Variants in SNTG1 observed in about 807,000 individuals in gnomAD.
The protein encoded by SNTG1 is gamma-1-syntrophin.
In SNTG1, 39 loss-of-function variants were observed where a neutral mutation model predicts 74.7. The ratio of observed to expected loss-of-function variants is 0.52; its 90% CI spans 0.40 to 0.68. The LOEUF is 0.68. Ranked by LOEUF, SNTG1 falls within the 30% of genes least tolerant of loss-of-function variation. The pLI, the probability that SNTG1 is intolerant of heterozygous loss-of-function variation, is 0.00. For missense variants in SNTG1, 685 were observed against 609.5 expected, an observed-to-expected ratio of 1.12 and a Z score of -1.30; for synonymous variants, 254 against 217.1, an observed-to-expected ratio of 1.17 and a Z score of -1.49.
At chr8:50,303,079 A>G (rs544736284) in intron 2 of SNTG1, among the ~76,000 whole-genome samples, 2 of 152,354 alleles carry the variant, frequency 1.3e-5, no homozygotes, top group South Asian at 4.1e-4. Flanking sequence ...TAAATTAATT[A>G]TATAGTAAGC....
chr8:50,427,458 C>T (rs1328924184), intron 4 of SNTG1, among the ~76,000 whole-genome samples: 1 of 152,056 alleles, frequency 6.6e-6, no homozygotes, highest in Non-Finnish European at 1.5e-5. Flanking sequence ...GAGTCGGGGT[C>T]TCCCTCTGTT....
intron 8 of SNTG1, among the ~76,000 whole-genome samples, chr8:50,457,284 C>A (rs2093515288): frequency 6.6e-6 from 1 of 152,144 alleles, no homozygotes; most frequent in Non-Finnish European, 1.5e-5. Context: ...CAAAGAGGAA[C>A]CTCTAATGGG....
chr8:50,004,832 C>T (rs1473708071), intron 1 of SNTG1, among the ~76,000 whole-genome samples: 2 of 152,114 alleles, frequency 1.3e-5, no homozygotes, highest in Non-Finnish European at 2.9e-5. Flanking sequence ...AAAAGGGCAA[C>T]CAGCATTAGA....
At chr8:49,986,715 G>C in intron 1 of SNTG1, among the ~76,000 whole-genome samples, 1 of 34,986 alleles carries the variant, frequency 2.9e-5, no homozygotes, top group African/African-American at 1.3e-4. Context: ...TCTACAAAAA[G>C]TACAAAAAAA....
intron 12 of SNTG1, among the ~76,000 whole-genome samples, chr8:50,559,572 A>G (rs560648338): frequency 6.6e-6 from 1 of 152,280 alleles, no homozygotes; most frequent in Non-Finnish European, 1.5e-5. Context: ...ATATTGGAAG[A>G]TTGAAAGTCA....
intron 2 of SNTG1, among the ~76,000 whole-genome samples, chr8:50,214,654 T>C (rs1300517382): frequency 1.3e-5 from 2 of 152,162 alleles, no homozygotes; most frequent in Non-Finnish European, 2.9e-5. Context: ...CTTGGTGTTC[T>C]TTGTGTAATG....
intron 2 of SNTG1, among the ~76,000 whole-genome samples, chr8:50,293,502 T>G (rs1387012209): frequency 6.6e-6 from 1 of 151,642 alleles, no homozygotes. Context: ...CTCTGCCTCC[T>G]GGGTTCAAGA....
chr8:50,709,435 A>G (rs1047540590), intron 17 of SNTG1, among the ~76,000 whole-genome samples: 22 of 152,252 alleles, frequency 1.4e-4, no homozygotes, highest in African/African-American at 5.3e-4. Flanking sequence ...TGAAAATTTA[A>G]AGTTTAGTTT....
intron 17 of SNTG1, among the ~76,000 whole-genome samples, chr8:50,720,079 T>G (rs890987644): frequency 6.6e-6 from 1 of 152,190 alleles, no homozygotes; most frequent in Non-Finnish European, 1.5e-5. Context: ...GATAATGCAT[T>G]CCTGTTCTAT....
chr8:49,916,933 G>A (rs1025803911), intron 1 of SNTG1, among the ~76,000 whole-genome samples: 3 of 151,940 alleles, frequency 2.0e-5, no homozygotes, highest in African/African-American at 7.2e-5. Context: ...GCTGAGGTAG[G>A]AGGATCACTT....
At chr8:49,993,228 A>G (rs186454) in intron 1 of SNTG1, among the ~76,000 whole-genome samples, 119,219 of 151,980 alleles carry the variant, frequency 0.78, 46,898 homozygotes, top group East Asian at 0.84. Flanking sequence ...GCCCAGAGTG[A>G]GGTCAGGGCC....
At chr8:50,715,972 TG>T (rs1391010143) in intron 17 of SNTG1, among the ~76,000 whole-genome samples, 2 of 152,164 alleles carry the variant, frequency 1.3e-5, no homozygotes, top group African/African-American at 4.8e-5. Flanking sequence ...AGGTAAAATT[TG>T]AATTGAAGTT....
At chr8:50,062,244 G>T (rs145480695) in intron 1 of SNTG1, among the ~76,000 whole-genome samples, 43 of 152,028 alleles carry the variant, frequency 2.8e-4, no homozygotes, top group African/African-American at 1.0e-3. Flanking sequence ...ACAAGGTTTC[G>T]CCATGTTGGC....
At chr8:50,691,504 A>G (rs945115321) in intron 15 of SNTG1, among the ~76,000 whole-genome samples, 1 of 152,130 alleles carries the variant, frequency 6.6e-6, no homozygotes, top group African/African-American at 2.4e-5. Context: ...TCCTTCAGTT[A>G]TGAAGCTTAG....
chr8:50,241,520 C>T (rs1450174983), intron 2 of SNTG1, among the ~76,000 whole-genome samples: 1 of 152,150 alleles, frequency 6.6e-6, no homozygotes, highest in Non-Finnish European at 1.5e-5. Flanking sequence ...TGTTTAGGGG[C>T]TGGAGTAAAG....
intron 2 of SNTG1, among the ~76,000 whole-genome samples, chr8:50,218,877 A>T (rs1038448884): frequency 1.3e-5 from 2 of 152,238 alleles, no homozygotes; most frequent in Admixed American, 1.3e-4. Flanking sequence ...TGAATTGGAC[A>T]GGCACTGAAG....
intron 1 of SNTG1, among the ~76,000 whole-genome samples, chr8:50,051,953 T>C (rs1819614056): frequency 6.6e-6 from 1 of 152,078 alleles, no homozygotes; most frequent in Non-Finnish European, 1.5e-5. Flanking sequence ...TTCATGGTGA[T>C]GGATTTTAAT....
Position 50,014,621 on chromosome 8 carries a change from C to T in SNTG1, c.-103+102390C>T, listed in dbSNP as rs1179792352. Among the ~76,000 whole-genome samples, 6 of 152,078 alleles carry T rather than the reference C, an allele frequency of 3.9e-5. No individual in the cohort carries two copies. In the South Asian group the frequency reaches 8.3e-4, roughly 21 times the overall value. On this transcript the variant is annotated intron_variant, in intron 1 of 18. Transcript: ENST00000642720. ...GGCTAGTCTGTCTTGTAATACGCTG[C>T]CTGAAGTTGGAAGACATGGACTCAC...
intron 4 of SNTG1, among the ~76,000 whole-genome samples, chr8:50,419,837 C>CA (rs1466093230): frequency 6.6e-6 from 1 of 150,658 alleles, no homozygotes; most frequent in African/African-American, 2.4e-5. Flanking sequence ...ATATCTCAGC[C>CA]AAAAAAAATT....
Sources: gnomAD v4.1 joint callset for allele counts (sites outside exome capture counted in the v4.1 genomes callset) on GRCh38, gnomAD v4.1.1 for gene constraint, MANE v1.5 for transcripts, NCBI Gene and HGNC (gene_info 2026-07-23, HGNC 2026-07-21) for gene names.